PPM1H: variants seen among roughly 807,000 people sequenced by gnomAD.
The protein encoded by PPM1H is protein phosphatase, Mg2+/Mn2+ dependent 1H, also known as protein phosphatase 1H.
PPM1H carries 27 observed loss-of-function variants against 54.9 expected under a neutral mutation model. The observed-to-expected ratio is 0.49, with a 90% CI of 0.36 to 0.68. The LOEUF is 0.68. PPM1H is among the 30% of genes least tolerant of loss of function. PPM1H has a pLI of 0.00. For synonymous variants in PPM1H, 305 were observed against 270.8 expected, an observed-to-expected ratio of 1.13 and a Z score of -1.24; for missense variants, 596 against 667.8, an observed-to-expected ratio of 0.89 and a Z score of 1.19.
intron 7 of PPM1H, among the ~76,000 whole-genome samples, 152 bp from the exon 8 acceptor site, chr12:62,689,958 T>C (rs2076074263): frequency 2.0e-5 from 3 of 152,210 alleles, no homozygotes; most frequent in African/African-American, 7.2e-5. Context: ...CATACGTGGA[T>C]AGCTCTTACC....
chr12:62,840,834 G>A (rs540828344), intron 1 of PPM1H, among the ~76,000 whole-genome samples: 31 of 152,308 alleles, frequency 2.0e-4, no homozygotes, highest in Non-Finnish European at 4.0e-4. Context: ...TATGATCACA[G>A]TTACTTTAGA....
rs185984293 is a variant in PPM1H at position 62,668,881 on chromosome 12, G to T, written c.1246-1552C>A. On this transcript the variant is annotated intron_variant, in intron 8 of 9. Transcript: ENST00000228705. ...CCAGGCTAGTGATGCCCTGGCATGGGGCTGGTCCTGTGGGCTGACAGTCTA... is the reference window on the plus strand; with the variant it reads ...CCAGGCTAGTGATGCCCTGGCATGGTGCTGGTCCTGTGGGCTGACAGTCTA... Among the ~76,000 whole-genome samples the T allele has an allele frequency of 1.2e-3, 185 of 152,316 alleles. 6 individuals carry two copies. The highest frequency in any genetic ancestry group is 0.012 in the Admixed American group (181 of 15,300).
intron 3 of PPM1H, among the ~76,000 whole-genome samples, chr12:62,794,972 T>C (rs937384766): frequency 4.6e-5 from 7 of 152,116 alleles, no homozygotes; most frequent in African/African-American, 1.7e-4. Flanking sequence ...ACAGGAGGGA[T>C]TCGCTACATA....
At chr12:62,726,873 G>A (rs1264202525) in intron 5 of PPM1H, among the ~76,000 whole-genome samples, 5 of 152,014 alleles carry the variant, frequency 3.3e-5, no homozygotes, top group Non-Finnish European at 7.4e-5. Context: ...CCCAAAGTCT[G>A]TAAAGTGTTG....
chr12:62,654,887 AG>A (rs1230076908), intron 9 of PPM1H, among the ~76,000 whole-genome samples: 1 of 152,166 alleles, frequency 6.6e-6, no homozygotes, highest in Non-Finnish European at 1.5e-5. Context: ...GGAGAAGTTT[AG>A]GGAAGATTCC....
intron 1 of PPM1H, among the ~76,000 whole-genome samples, chr12:62,878,708 G>A (rs1320210542): frequency 6.7e-6 from 1 of 149,950 alleles, no homozygotes; most frequent in Admixed American, 6.6e-5. Flanking sequence ...GGGAGGCCGA[G>A]GCAGGTGGAT....
intron 4 of PPM1H, among the ~76,000 whole-genome samples, chr12:62,759,983 CACTATGGGCA>C (rs2120607033): frequency 6.6e-6 from 1 of 152,260 alleles, no homozygotes; most frequent in African/African-American, 2.4e-5. Context: ...TTGCCTCCTT[CACTATGGGCA>C]ACCTTCCACC....
At chr12:62,651,935 C>A (rs1220386004) in intron 9 of PPM1H, among the ~76,000 whole-genome samples, 1 of 152,186 alleles carries the variant, frequency 6.6e-6, no homozygotes, top group Non-Finnish European at 1.5e-5. Context: ...TAACCCACTC[C>A]AAGTTCTCCT....
intron 1 of PPM1H, among the ~76,000 whole-genome samples, chr12:62,878,586 G>C (rs1438795397): frequency 6.9e-6 from 1 of 145,882 alleles, no homozygotes; most frequent in Non-Finnish European, 1.5e-5. Flanking sequence ...GAGGGTAGGG[G>C]TTGGAGTTCT....
At chr12:62,920,577 C>T (rs1017357522) in intron 1 of PPM1H, among the ~76,000 whole-genome samples, 5 of 149,634 alleles carry the variant, frequency 3.3e-5, no homozygotes, top group African/African-American at 1.2e-4. Context: ...CTGCATTGGC[C>T]TCCCAAAGTG....
intron 2 of PPM1H, among the ~76,000 whole-genome samples, chr12:62,820,031 C>T (rs901734820): frequency 6.6e-6 from 1 of 152,226 alleles, no homozygotes; most frequent in Non-Finnish European, 1.5e-5. Context: ...CAAGGGAATC[C>T]ATGGCAGATT....
rs1565742768 is a variant in PPM1H at position 62,646,666 on chromosome 12, T to A, written c.*1823A>T. The A allele has an allele frequency of 6.6e-6, 1 of 152,178 alleles. No individual in the cohort carries two copies. The highest frequency in any genetic ancestry group is 1.5e-5 in the Non-Finnish European group (1 of 68,044). 9.4% of individuals were successfully genotyped at this position (152,178 alleles called of 1,614,324 possible). On this transcript the variant is annotated 3_prime_UTR_variant, in exon 10 of 10. Coordinates refer to ENST00000228705, the MANE Select transcript of PPM1H (RefSeq NM_020700.2). ...GAAACGTGCTGCAGATGAAGACAAC[T>A]CCTGACAAGGCCGAAGTCCCATTCT...
chr12:62,696,450 A>C (rs2136644096), intron 6 of PPM1H, among the ~76,000 whole-genome samples: 1 of 152,282 alleles, frequency 6.6e-6, no homozygotes, highest in Admixed American at 6.5e-5. Flanking sequence ...AACTAACGAC[A>C]AGGGGGAATA....
At chr12:62,877,060 G>GA (rs973941181) in intron 1 of PPM1H, among the ~76,000 whole-genome samples, 11 of 151,834 alleles carry the variant, frequency 7.2e-5, no homozygotes, top group South Asian at 2.1e-4. Flanking sequence ...TCTAATCTCA[G>GA]AAAAAAAAGT....
At chr12:62,925,183 T>A (rs553277837) in intron 1 of PPM1H, among the ~76,000 whole-genome samples, 1 of 152,304 alleles carries the variant, frequency 6.6e-6, no homozygotes, top group South Asian at 2.1e-4. Flanking sequence ...GGGGAAACTA[T>A]AGAAGTTGAA....
chr12:62,834,106 A>G (rs1303518655), intron 1 of PPM1H, among the ~76,000 whole-genome samples: 1 of 152,200 alleles, frequency 6.6e-6, no homozygotes, highest in East Asian at 1.9e-4. Flanking sequence ...CACATATTAC[A>G]GTATTTCCTA....
chr12:62,811,306 T>C (rs1465915540), intron 2 of PPM1H, among the ~76,000 whole-genome samples: 2 of 152,244 alleles, frequency 1.3e-5, no homozygotes, highest in East Asian at 3.8e-4. Flanking sequence ...TAGCACTGTA[T>C]TCAGCACATA....
intron 5 of PPM1H, among the ~76,000 whole-genome samples, chr12:62,733,796 T>A (rs1272053157): frequency 2.0e-5 from 3 of 152,198 alleles, no homozygotes; most frequent in Non-Finnish European, 2.9e-5. Context: ...TTTTAAAAAT[T>A]CAGACATTAG....
Position 62,822,402 on chromosome 12 carries a change from G to A in PPM1H, c.411+9712C>T, listed in dbSNP as rs115233277. ...GAACTCAGCTCTGCACCAAGAGGAC[G>A]TGACAGACATCTACAGAACTCTCCA... is the stretch of plus-strand genomic sequence containing the variant. On this transcript the variant is annotated intron_variant, in intron 2 of 9. Transcript: ENST00000228705. Among the ~76,000 whole-genome samples, 15 of 152,198 alleles carry A rather than the reference G, an allele frequency of 9.9e-5. No individual in the cohort carries two copies. The South Asian group carries it at 1.2e-3, about 13-fold the overall frequency.
Sources: gnomAD v4.1 joint callset for allele counts (sites outside exome capture counted in the v4.1 genomes callset) on GRCh38, gnomAD v4.1.1 for gene constraint, MANE v1.5 for transcripts, NCBI Gene and HGNC (gene_info 2026-07-23, HGNC 2026-07-21) for gene names.